The following SLC24A2 variants were observed in gnomAD, a reference collection of about 807,000 sequenced individuals.
SLC24A2 encodes the protein sodium/potassium/calcium exchanger 2.
A neutral mutation model predicts 62.0 loss-of-function variants in SLC24A2; 36 were observed. That is an observed-to-expected ratio of 0.58 (90% CI 0.44 to 0.77). The LOEUF (loss-of-function observed/expected upper bound fraction) is 0.77. SLC24A2 is among the 30% of genes least tolerant of loss of function. The pLI, the probability that SLC24A2 is intolerant of heterozygous loss-of-function variation, is 0.00. For synonymous variants in SLC24A2, 358 were observed against 294.0 expected, an observed-to-expected ratio of 1.22 and a Z score of -2.23; for missense variants, 846 against 817.9, an observed-to-expected ratio of 1.03 and a Z score of -0.42.
the SLC24A2 span, among the ~76,000 whole-genome samples, chr9:20,162,548 A>T: frequency 2.0e-5 from 3 of 151,882 alleles, no homozygotes; most frequent in Non-Finnish European, 4.4e-5. Flanking sequence ...TTCTACCAGA[A>T]GTACAAGGAG....
chr9:19,914,482 G>A, the SLC24A2 span, among the ~76,000 whole-genome samples: 1 of 152,058 alleles, frequency 6.6e-6, no homozygotes, highest in East Asian at 1.9e-4. Context: ...AGCATTTTCT[G>A]AGTTTGCTCA....
At chr9:19,706,455 C>T (rs1283828038) in intron 2 of SLC24A2, among the ~76,000 whole-genome samples, 1 of 150,668 alleles carries the variant, frequency 6.6e-6, no homozygotes, top group Admixed American at 6.6e-5. Flanking sequence ...TCTCGACTCA[C>T]TGCAAGCTCC....
chr9:19,754,431 G>A (rs1158956945), intron 2 of SLC24A2, among the ~76,000 whole-genome samples: 1 of 152,212 alleles, frequency 6.6e-6, no homozygotes, highest in Non-Finnish European at 1.5e-5. Flanking sequence ...ATTCTTCAAT[G>A]ACAGCGGGAC....
chr9:20,046,461 A>G, the SLC24A2 span, among the ~76,000 whole-genome samples: 1,231 of 152,336 alleles, frequency 8.1e-3, 11 homozygotes, highest in African/African-American at 0.027. Context: ...AAAATTGGTT[A>G]TCAAAGGAAA....
intron 5 of SLC24A2, 52 bp from the exon 6 acceptor site, chr9:19,577,074 C>T: frequency 6.8e-7 from 1 of 1,460,828 alleles, no homozygotes; most frequent in African/African-American, 1.4e-5. Context: ...AGAAGAGAGT[C>T]TCAGGGCCAA....
the SLC24A2 span, among the ~76,000 whole-genome samples, chr9:20,006,752 G>A: frequency 2.0e-5 from 3 of 152,056 alleles, no homozygotes; most frequent in African/African-American, 7.2e-5. Flanking sequence ...GAAATTTTAG[G>A]GGCAGTCTAT....
At chr9:19,534,145 T>C (rs974458701) in intron 8 of SLC24A2, among the ~76,000 whole-genome samples, 3 of 152,174 alleles carry the variant, frequency 2.0e-5, no homozygotes, top group Non-Finnish European at 2.9e-5. Flanking sequence ...TTTCCTAATG[T>C]TGTACAGCTA....
At chr9:19,683,534 A>G (rs1375503748) in intron 2 of SLC24A2, among the ~76,000 whole-genome samples, 1 of 145,530 alleles carries the variant, frequency 6.9e-6, no homozygotes, top group Non-Finnish European at 1.6e-5. Context: ...TTGTGCTCTG[A>G]ACTTTTTTTT....
intron 2 of SLC24A2, among the ~76,000 whole-genome samples, chr9:19,686,017 C>A (rs922469586): frequency 6.6e-6 from 1 of 152,070 alleles, no homozygotes; most frequent in Non-Finnish European, 1.5e-5. Flanking sequence ...ACAAACTAAG[C>A]ATTCAACAAA....
chr9:20,190,466 C>A, the SLC24A2 span, among the ~76,000 whole-genome samples: 2 of 152,126 alleles, frequency 1.3e-5, no homozygotes, highest in Non-Finnish European at 2.9e-5. Flanking sequence ...TGGTAAGAAG[C>A]GATGTAATAA....
the SLC24A2 span, among the ~76,000 whole-genome samples, chr9:19,814,598 A>C: frequency 6.6e-6 from 1 of 152,192 alleles, no homozygotes; most frequent in East Asian, 1.9e-4. Flanking sequence ...GTATTTCTAA[A>C]GGTAAATAAT....
At chr9:20,005,462 A>ATTTTGATTTG in the SLC24A2 span, among the ~76,000 whole-genome samples, 8 of 151,934 alleles carry the variant, frequency 5.3e-5, no homozygotes, top group Non-Finnish European at 1.5e-5. Context: ...CTGATATTGT[A>ATTTTGATTTG]CCCATTTTAC....
chr9:19,700,122 G>A (rs182535513), intron 2 of SLC24A2, among the ~76,000 whole-genome samples: 101 of 152,294 alleles, frequency 6.6e-4, no homozygotes, highest in African/African-American at 2.4e-3. Context: ...TGCAAGCTAT[G>A]TCTCACCTGA....
the SLC24A2 span, among the ~76,000 whole-genome samples, chr9:20,255,650 A>G: frequency 2.6e-5 from 4 of 152,146 alleles, no homozygotes; most frequent in South Asian, 8.3e-4. Flanking sequence ...TCCTCACAGT[A>G]TGGAGAGTGG....
chr9:19,871,816 A>C, the SLC24A2 span, among the ~76,000 whole-genome samples: 2 of 152,188 alleles, frequency 1.3e-5, no homozygotes, highest in Non-Finnish European at 2.9e-5. Context: ...TTATCTGGAG[A>C]AAGTTACATT....
intron 8 of SLC24A2, among the ~76,000 whole-genome samples, chr9:19,530,609 G>T (rs1458270794): frequency 6.6e-6 from 1 of 152,070 alleles, no homozygotes; most frequent in East Asian, 1.9e-4. Context: ...TAGCCAAAAG[G>T]TATAAAGCAA....
intron 2 of SLC24A2, among the ~76,000 whole-genome samples, chr9:19,727,373 A>T (rs1193030230): frequency 6.6e-6 from 1 of 152,200 alleles, no homozygotes; most frequent in East Asian, 1.9e-4. Flanking sequence ...GCCGGTGATC[A>T]TTTTGCATTA....
the SLC24A2 span, among the ~76,000 whole-genome samples, chr9:20,132,132 TCA>T: frequency 6.6e-6 from 1 of 152,104 alleles, no homozygotes; most frequent in African/African-American, 2.4e-5. Flanking sequence ...AGTTGAACTT[TCA>T]CAGTCTGTCC....
chr9:19,770,089 G>C (rs1475513797), intron 2 of SLC24A2, among the ~76,000 whole-genome samples: 2 of 150,934 alleles, frequency 1.3e-5, no homozygotes, highest in African/African-American at 2.4e-5. Flanking sequence ...GACTGCATTC[G>C]CTGCTTCTAA....
Sources: gnomAD v4.1 joint callset for allele counts (sites outside exome capture counted in the v4.1 genomes callset) on GRCh38, gnomAD v4.1.1 for gene constraint, MANE v1.5 for transcripts, NCBI Gene and HGNC (gene_info 2026-07-23, HGNC 2026-07-21) for gene names.